The following ZNF548 variants were observed in gnomAD, a reference collection of about 807,000 sequenced individuals.
ZNF548 encodes zinc finger protein 548.
A neutral mutation model predicts 10.2 loss-of-function variants in ZNF548; 10 were observed. The ratio of observed to expected loss-of-function variants is 0.98; its 90% CI spans 0.60 to 1.66. ZNF548 has a LOEUF of 1.66. ZNF548 is among the 40% of genes most tolerant of loss of function. The pLI is 0.00. For synonymous variants in ZNF548, 217 were observed against 223.5 expected (o/e 0.97, Z 0.26); for missense variants, 599 against 657.0 (o/e 0.91, Z 0.97).
intron 2 of ZNF548, among the ~76,000 whole-genome samples, chr19:57,396,379 G>T (rs1042438197): frequency 9.9e-5 from 15 of 152,260 alleles, no homozygotes; most frequent in African/African-American, 3.6e-4. Context: ...CTGTGTGCTG[G>T]ACACGGTGGC....
Position 57,398,740 on chromosome 19 carries a change from G to T in ZNF548, c.489G>T (p.Glu163Asp). ...GKNHRVHMAEEIFTCMEGWKD... is the reference protein window; with the variant it reads ...GKNHRVHMAEDIFTCMEGWKD... ...ACCACAGAGTTCACATGGCAGAGGA[G>T]ATCTTCACATGCATGGAGGGCTGGA... is the stretch of plus-strand genomic sequence containing the variant. Residue 163 changes from glutamate to aspartate, a missense_variant, in exon 4 of 4, where the codon GAG (glutamate) becomes GAT (aspartate). Glu to Asp is a conservative substitution (Grantham distance 45). Transcript: ENST00000336128. 1 of 1,614,070 alleles carries T rather than the reference G, an allele frequency of 6.2e-7. No individual in the cohort carries two copies. The highest frequency in any genetic ancestry group is 8.5e-7 in the Non-Finnish European group (1 of 1,179,930).
Position 57,400,012 on chromosome 19 carries a change from C to A in ZNF548, c.*123C>A. On this transcript the variant is annotated 3_prime_UTR_variant, in exon 4 of 4. Coordinates refer to ENST00000336128, the MANE Select transcript of ZNF548 (RefSeq NM_001172773.2). ...CCATTAACAACAACTCATTCCCCTT[C>A]CCTACTTCCCCAGAAATGTCTCAAC... 1.4e-6 allele frequency: 1 copy of A among 717,764 alleles called. No homozygotes were observed. The highest frequency in any genetic ancestry group is 2.2e-6 in the Non-Finnish European group (1 of 447,416). The allele number at this position is 717,764 out of a possible 1,614,324, so 44.5% of individuals were successfully genotyped here. A position where few individuals can be genotyped will look rare whatever the true frequency, so the allele number is the denominator to read the frequency against.
Position 57,389,957 on chromosome 19 carries a change from A to G in ZNF548, c.-143A>G. On this transcript the variant is annotated 5_prime_UTR_variant, in exon 1 of 4. Coordinates refer to ENST00000336128, the MANE Select transcript of ZNF548 (RefSeq NM_001172773.2). ...TGACGTCACCGAAGTGACGGAACGGAAAAGCGCGAGAAGCGGCTCGGTTCC... is the reference window on the plus strand; with the variant it reads ...TGACGTCACCGAAGTGACGGAACGGGAAAGCGCGAGAAGCGGCTCGGTTCC... 1 of 1,087,642 alleles carries G rather than the reference A, an allele frequency of 9.2e-7. No individual in the cohort carries two copies. The highest frequency in any genetic ancestry group is 2.6e-5 in the East Asian group (1 of 38,496). The allele number at this position is 1,087,642 out of a possible 1,614,324, so 67.4% of individuals were successfully genotyped here.
At chr19:57,397,221 C>T (rs1461416309) in intron 3 of ZNF548, 47 bp downstream of exon 3, 1 of 1,503,098 alleles carries the variant, frequency 6.7e-7, no homozygotes, top group South Asian at 1.4e-5. Context: ...GCTGTGTTAC[C>T]CCTTTTTACC....
chr19:57,398,376 T>G, intron 3 of ZNF548, 54 bp from the exon 4 acceptor site: 1 of 1,586,204 alleles, frequency 6.3e-7, no homozygotes. Flanking sequence ...GTGATGGAGC[T>G]GCTTCCTCCC....
In ZNF548 at chr19:57,395,516, G is replaced by A. The variant is rs189953244; in HGVS notation, c.51+1293G>A. 6.5e-3 allele frequency among the ~76,000 whole-genome samples: 989 copies of A among 152,234 alleles called. 10 individuals carry two copies. The highest frequency in any genetic ancestry group is 0.022 in the African/African-American group (898 of 41,528). The stretch of plus-strand genomic sequence containing the variant: ...AGGCCTCAGGAAACACAATCCTGGC[G>A]GAAGGTGAAGGGGAAGCGAGGCACA... On this transcript the variant is annotated intron_variant, in intron 2 of 3. Coordinates refer to ENST00000336128, the MANE Select transcript of ZNF548 (RefSeq NM_001172773.2). This position sits in a 1 kb window ranked among gnomAD's most constrained non-coding sequence, Gnocchi z 4.8.
At chr19:57,394,392 G>A (rs931750947) in intron 2 of ZNF548, among the ~76,000 whole-genome samples, 169 bp downstream of exon 2, 1 of 152,192 alleles carries the variant, frequency 6.6e-6, no homozygotes, top group Non-Finnish European at 1.5e-5. Context: ...ACTGGTCCCC[G>A]TTTTTGAGAA....
rs2088612170 is a variant in ZNF548 at position 57,390,115 on chromosome 19, G to A, written c.15+1G>A. ...GGCCTTGCTGATGAACCTGACTGAG[G>A]TGGGTGTCCCGTCCCAGGCTCCCCC... On this transcript the variant is annotated splice_donor_variant, in intron 1 of 3. Coordinates refer to ENST00000336128, the MANE Select transcript of ZNF548 (RefSeq NM_001172773.2). LOFTEE classifies it high-confidence loss of function. The A allele has an allele frequency of 6.2e-7, 1 of 1,608,268 alleles. No individual in the cohort carries two copies. The highest frequency in any genetic ancestry group is 1.3e-5 in the African/African-American group (1 of 74,942).
chr19:57,391,366 C>G (rs986102726), intron 1 of ZNF548, among the ~76,000 whole-genome samples: 1 of 150,816 alleles, frequency 6.6e-6, no homozygotes, highest in Admixed American at 6.6e-5. Flanking sequence ...TTTACCCAGT[C>G]ATACATTGAT....
chr19:57,391,194 T>G (rs35042302), intron 1 of ZNF548, among the ~76,000 whole-genome samples: 15,328 of 152,234 alleles, frequency 0.1, 1,005 homozygotes, highest in South Asian at 0.17. Flanking sequence ...AGCTTCCACT[T>G]GTAAGTGAGA....
rs1235190248 is a variant in ZNF548, at chr19:57,400,830, C to T, written c.*941C>T. 3 of 152,320 alleles carry T rather than the reference C, an allele frequency of 2.0e-5. No homozygotes were observed. In the East Asian group the frequency reaches 5.8e-4, roughly 29 times the overall value. The allele number at this position is 152,320 out of a possible 1,614,324, so 9.4% of individuals were successfully genotyped here. On this transcript the variant is annotated 3_prime_UTR_variant, in exon 4 of 4. Transcript: ENST00000336128. ...GTGCACAAGGATTGCAATCTATATA[C>T]ATCCTCACCAACATTGTTCATTTTC...
At chr19:57,391,793 T>G (rs949027640) in intron 1 of ZNF548, among the ~76,000 whole-genome samples, 7 of 143,756 alleles carry the variant, frequency 4.9e-5, no homozygotes, top group African/African-American at 1.8e-4. Context: ...CTTACTGTTT[T>G]TTTTTTTTTT....
At position 57,399,369 on chromosome 19, in the gene ZNF548, G is replaced by C; in HGVS notation, c.1118G>C (p.Gly373Ala). 6.2e-7 allele frequency: 1 copy of C among 1,614,208 alleles called. No individual in the cohort carries two copies. The highest frequency in any genetic ancestry group is 8.5e-7 in the Non-Finnish European group (1 of 1,180,026). ...ATTAGACATCAGAGAATTCACACTG[G>C]AGAAAGGCCTTATGAGTGCAGTGTA... ...TLIRHQRIHT[G>A]ERPYECSVCG... The change falls in exon 4 of 4, where the codon GGA (glycine) becomes GCA (alanine). Residue 373 changes from glycine (G) to alanine (A), a missense_variant. Coordinates refer to ENST00000336128, the MANE Select transcript of ZNF548 (RefSeq NM_001172773.2). This position sits in a 1 kb window ranked among gnomAD's most constrained non-coding sequence, Gnocchi z 4.0.
Position 57,399,645 on chromosome 19 carries a change from AGT to A in ZNF548, c.1398_1399del (p.Cys466TrpfsTer5). ...GGAGAAAGGCCTTACGAGTGCAGAGAGTGTGGGAAAGCCTTTAGCCACAAGCA... is the reference window on the plus strand; with the variant it reads ...GGAGAAAGGCCTTACGAGTGCAGAGAGTGGGAAAGCCTTTAGCCACAAGCA... On this transcript the variant is annotated frameshift_variant, in exon 4 of 4. Coordinates refer to ENST00000336128, the MANE Select transcript of ZNF548 (RefSeq NM_001172773.2). LOFTEE classifies it low-confidence loss of function (END_TRUNC). This position sits in a 1 kb window ranked among gnomAD's most constrained non-coding sequence, Gnocchi z 4.0. 1 of 1,614,110 alleles carries A rather than the reference AGT, an allele frequency of 6.2e-7. No individual in the cohort carries two copies. Among genetic ancestry groups the A allele is most frequent in the East Asian group, 2.2e-5 (1 of 44,880 alleles).
Position 57,395,979 on chromosome 19 carries a change from A to C in ZNF548, c.52-1069A>C, listed in dbSNP as rs1235268874. Among the ~76,000 whole-genome samples the C allele has an allele frequency of 1.3e-5, 2 of 151,532 alleles. No individual in the cohort carries two copies. The highest frequency in any genetic ancestry group is 4.9e-5 in the African/African-American group (2 of 41,198). On this transcript the variant is annotated intron_variant, in intron 2 of 3. Coordinates refer to ENST00000336128, the MANE Select transcript of ZNF548 (RefSeq NM_001172773.2). The surrounding 1 kb of genome is among the most constrained non-coding windows in gnomAD (Gnocchi z 4.8). ...TTAGGGCTGCCCCCGGTGCTAGGGG[A>C]CTTTGGTGTTCTGGGGCAGGACTGG... is the stretch of plus-strand genomic sequence containing the variant.
intron 2 of ZNF548, among the ~76,000 whole-genome samples, chr19:57,396,470 T>C (rs1301794654): frequency 6.6e-6 from 1 of 152,172 alleles, no homozygotes; most frequent in Non-Finnish European, 1.5e-5. Flanking sequence ...TGGAAGAGAT[T>C]GAGCAAGGAA....
At chr19:57,398,273 GC>G in intron 3 of ZNF548, 156 bp from the exon 4 acceptor site, 2 of 1,436,182 alleles carry the variant, frequency 1.4e-6, no homozygotes, top group Non-Finnish European at 1.9e-6. Flanking sequence ...GCCAGGCCCA[GC>G]CCTGCATAGT....
chr19:57,397,568 T>A (rs1438449924), intron 3 of ZNF548, among the ~76,000 whole-genome samples: 4 of 152,162 alleles, frequency 2.6e-5, no homozygotes, highest in Non-Finnish European at 5.9e-5. Flanking sequence ...GTCACTGATT[T>A]TGGGGACTGC....
In ZNF548 at chr19:57,399,842, A is replaced by C. The variant is rs759419376; in HGVS notation, c.1591A>C (p.Thr531Pro). 3 of 1,612,218 alleles carry C rather than the reference A, an allele frequency of 1.9e-6. No individual in the cohort carries two copies. In the Admixed American group the frequency reaches 5.0e-5, roughly 27 times the overall value. The change falls in exon 4 of 4, where the codon ACC (threonine) becomes CCC (proline). Residue 531 changes from threonine (T) to proline (P), a missense_variant. By Grantham distance (38) the Thr-to-Pro change is conservative. Coordinates refer to ENST00000336128, the MANE Select transcript of ZNF548 (RefSeq NM_001172773.2). This position sits in a 1 kb window ranked among gnomAD's most constrained non-coding sequence, Gnocchi z 4.0. Reference sequence around the variant, plus strand: ...GGGGAATTCTTTAGCTAAAACTCCAACCTCATTAAACATCAGAGATTTCAC... The same window carrying C: ...GGGGAATTCTTTAGCTAAAACTCCACCCTCATTAAACATCAGAGATTTCAC... Reference protein sequence around the residue: ...NVGNSLAKTPTSLNIRDFTME... With the variant: ...NVGNSLAKTPPSLNIRDFTME...
Sources: allele counts gnomAD v4.1 joint callset (sites outside exome capture counted in the v4.1 genomes callset), GRCh38; gene constraint gnomAD v4.1.1; non-coding constraint Gnocchi (gnomAD v3.1); transcripts MANE v1.5; gene names NCBI Gene and HGNC (gene_info 2026-07-23, HGNC 2026-07-21).